Variants in ESF1 observed in about 807,000 individuals in gnomAD.
ESF1 encodes the protein ESF1 nucleolar pre-rRNA processing protein, also known as ESF1 homolog.
ESF1 carries 58 observed loss-of-function variants against 92.0 expected under a neutral mutation model. The observed-to-expected ratio is 0.63, with a 90% CI of 0.51 to 0.78. The LOEUF (loss-of-function observed/expected upper bound fraction) is 0.78, where lower values mean the gene tolerates loss of function less well. Among genes scored for constraint, ESF1 ranks in the 30% least tolerant of loss-of-function variants. The pLI is 0.00. For synonymous variants in ESF1, 321 were observed against 313.7 expected, an observed-to-expected ratio of 1.02 and a Z score of -0.24; for missense variants, 922 against 989.1, an observed-to-expected ratio of 0.93 and a Z score of 0.91.
At chr20:13,730,218 G>A (rs1428416325) in intron 10 of ESF1, among the ~76,000 whole-genome samples, 8 of 151,870 alleles carry the variant, frequency 5.3e-5, no homozygotes, top group Middle Eastern at 3.2e-3. Context: ...GATTACAGGC[G>A]CCTGCCACCA....
At chr20:13,757,424 G>T (rs190668610) in intron 9 of ESF1, among the ~76,000 whole-genome samples, 7 of 152,066 alleles carry the variant, frequency 4.6e-5, no homozygotes, top group Non-Finnish European at 8.8e-5. Context: ...TTGAGACAGG[G>T]TCTCATTCTG....
chr20:13,730,852 ATATATCAGG>A (rs1440355462), intron 10 of ESF1, among the ~76,000 whole-genome samples: 2 of 152,118 alleles, frequency 1.3e-5, no homozygotes, highest in African/African-American at 4.8e-5. Context: ...ATAACACGGC[ATATATCAGG>A]TATTCATTTC....
At chr20:13,746,868 T>C (rs978683304) in intron 9 of ESF1, among the ~76,000 whole-genome samples, 2 of 152,224 alleles carry the variant, frequency 1.3e-5, no homozygotes, top group Admixed American at 6.5e-5. Flanking sequence ...TTTTCTTCCA[T>C]ATTTATTAGG....
chr20:13,782,866 T>C lies in ESF1; in HGVS notation c.275A>G (p.Lys92Arg). The C allele has an allele frequency of 6.2e-7, 1 of 1,609,050 alleles. No homozygotes were observed. The highest frequency in any genetic ancestry group is 1.7e-4 in the Middle Eastern group (1 of 6,034). Residue 92 changes from lysine to arginine, a missense_variant, in exon 2 of 14, where the codon AAG (lysine) becomes AGG (arginine). By Grantham distance (26) the Lys-to-Arg change is conservative (BLOSUM62 2). Coordinates refer to ENST00000617257, the MANE Select transcript of ESF1 (RefSeq NM_001276380.2). ...SGEDSKALSQKKIKKKKTQTK... is the reference protein window; with the variant it reads ...SGEDSKALSQRKIKKKKTQTK... ...CTGGGTTTTTTTCTTCTTTATTTTCTTTTGACTCAATGCTTTGCTATCTTC... is the reference window on the plus strand; with the variant it reads ...CTGGGTTTTTTTCTTCTTTATTTTCCTTTGACTCAATGCTTTGCTATCTTC...
Position 13,779,952 on chromosome 20 carries a change from C to G in ESF1, c.637+2552G>C, listed in dbSNP as rs568622424. On this transcript the variant is annotated intron_variant, in intron 2 of 13. Transcript: ENST00000617257. ...GCTGGGCATGAACATTTCATGATGA[C>G]AAATATCACACTGCAAGTCCTCACA... is the stretch of plus-strand genomic sequence containing the variant. Among the ~76,000 whole-genome samples the G allele has an allele frequency of 5.1e-4, 78 of 152,300 alleles. No individual in the cohort carries two copies. The South Asian group carries it at 0.015, about 30-fold the overall frequency.
intron 9 of ESF1, among the ~76,000 whole-genome samples, chr20:13,734,377 G>A (rs1717613282): frequency 6.6e-6 from 1 of 152,118 alleles, no homozygotes; most frequent in South Asian, 2.1e-4. Flanking sequence ...CATGAGCAAA[G>A]GATTCTCAAT....
rs76074637 is a variant in ESF1, at chr20:13,784,713, A to G, written c.-44+167T>C. The G allele has an allele frequency of 6.7e-3, 1,928 of 287,920 alleles. 37 individuals carry two copies. Among genetic ancestry groups the G allele is most frequent in the African/African-American group, 0.04 (1,815 of 45,564 alleles). 17.8% of individuals were successfully genotyped at this position (287,920 alleles called of 1,614,324 possible). ...CGAGAAGCGACCCTGAAAAGGATCG[A>G]TGAAGACTGAAGAATGAGACCGAAA... On this transcript the variant is annotated intron_variant, in intron 1 of 13. Transcript: ENST00000617257.
chr20:13,780,220 G>T (rs1234078931), intron 2 of ESF1, among the ~76,000 whole-genome samples: 2 of 152,160 alleles, frequency 1.3e-5, no homozygotes, highest in East Asian at 3.8e-4. Context: ...CTTTAATCTT[G>T]TTCGCTGATA....
intron 3 of ESF1, 27 bp from the exon 4 acceptor site, chr20:13,775,297 A>C (rs1394686896): frequency 7.3e-7 from 1 of 1,364,944 alleles, no homozygotes; most frequent in South Asian, 1.2e-5. Flanking sequence ...ATTAAATAGT[A>C]CATAATCCAT....
chr20:13,725,255 T>C (rs1421514956), intron 11 of ESF1, among the ~76,000 whole-genome samples: 1 of 152,222 alleles, frequency 6.6e-6, no homozygotes, highest in East Asian at 1.9e-4. Flanking sequence ...CCACCAAATA[T>C]ACAAATTTAT....
At chr20:13,737,676 C>T (rs1221188548) in intron 9 of ESF1, among the ~76,000 whole-genome samples, 1 of 151,956 alleles carries the variant, frequency 6.6e-6, no homozygotes, top group Non-Finnish European at 1.5e-5. Flanking sequence ...TTTTTTGAGA[C>T]AGAGTCTTGC....
intron 8 of ESF1, among the ~76,000 whole-genome samples, chr20:13,764,061 T>C (rs1979322543): frequency 6.6e-6 from 1 of 152,242 alleles, no homozygotes; most frequent in East Asian, 1.9e-4. Flanking sequence ...AGAAGCATTT[T>C]AGGATTTAAT....
chr20:13,744,810 A>T (rs968871708), intron 9 of ESF1, among the ~76,000 whole-genome samples: 3 of 152,132 alleles, frequency 2.0e-5, no homozygotes, highest in African/African-American at 7.2e-5. Context: ...TCCCAACCAT[A>T]AACTTCCTAT....
At position 13,714,789 on chromosome 20, in the gene ESF1, C is replaced by A; in HGVS notation, c.*85G>T. ...TTTTATTCATGTTCTTGAAAGATAG[C>A]TTTGTTCCCAATAAATATTCCCTCC... On this transcript the variant is annotated 3_prime_UTR_variant, in exon 14 of 14. Transcript: ENST00000617257. 2 of 1,150,854 alleles carry A rather than the reference C, an allele frequency of 1.7e-6. No individual in the cohort carries two copies. Among genetic ancestry groups the A allele is most frequent in the South Asian group, 3.4e-5 (2 of 58,558 alleles). 71.3% of individuals were successfully genotyped at this position (1,150,854 alleles called of 1,614,324 possible).
intron 9 of ESF1, among the ~76,000 whole-genome samples, chr20:13,748,548 G>GTGTC (rs1555823556): frequency 2.0e-5 from 1 of 49,552 alleles, no homozygotes; most frequent in Non-Finnish European, 4.0e-5. Context: ...ATATGTGTGT[G>GTGTC]TATATATATA....
chr20:13,757,258 A>T (rs1158211816), intron 9 of ESF1, among the ~76,000 whole-genome samples: 2 of 152,210 alleles, frequency 1.3e-5, no homozygotes, highest in African/African-American at 4.8e-5. Flanking sequence ...TACTAAATTA[A>T]GCTGGGAATA....
chr20:13,774,440 A>G (rs1979832573), intron 4 of ESF1, among the ~76,000 whole-genome samples: 1 of 152,240 alleles, frequency 6.6e-6, no homozygotes, highest in Non-Finnish European at 1.5e-5. Context: ...AGCATTTTGG[A>G]TAAGGGAGAC....
At chr20:13,724,235 T>C (rs1811024000) in intron 11 of ESF1, among the ~76,000 whole-genome samples, 1 of 152,038 alleles carries the variant, frequency 6.6e-6, no homozygotes. Context: ...GCAGAGGCTG[T>C]GGTGAGCAGA....
chr20:13,758,151 T>C (rs8120732), intron 9 of ESF1, among the ~76,000 whole-genome samples: 5,420 of 152,298 alleles, frequency 0.036, 324 homozygotes, highest in African/African-American at 0.12. Flanking sequence ...CTTTATATTA[T>C]TACGTTAAAA....
Sources: gnomAD v4.1 joint callset for allele counts (sites outside exome capture counted in the v4.1 genomes callset) on GRCh38, gnomAD v4.1.1 for gene constraint, MANE v1.5 for transcripts, NCBI Gene and HGNC (gene_info 2026-07-23, HGNC 2026-07-21) for gene names.